Variants in ARSJ observed in about 807,000 individuals in gnomAD.
ARSJ encodes the protein arylsulfatase J.
ARSJ carries 26 observed loss-of-function variants against 35.9 expected under a neutral mutation model. The ratio of observed to expected loss-of-function variants is 0.72; its 90% CI spans 0.53 to 1.00. The LOEUF (loss-of-function observed/expected upper bound fraction) is 1.00. Ranked by LOEUF, ARSJ falls within the 50% of genes least tolerant of loss-of-function variation. The pLI is 0.00. For missense variants in ARSJ, 667 were observed against 723.6 expected, an observed-to-expected ratio of 0.92 and a Z score of 0.90; for synonymous variants, 294 against 267.6, an observed-to-expected ratio of 1.10 and a Z score of -0.96.
chr4:113,904,270 TAC>T (rs1457130683), intron 1 of ARSJ, among the ~76,000 whole-genome samples: 3 of 152,158 alleles, frequency 2.0e-5, no homozygotes, highest in African/African-American at 7.2e-5. Context: ...TTAATTTGAA[TAC>T]ACTTTAATCT....
intron 1 of ARSJ, among the ~76,000 whole-genome samples, chr4:113,976,347 C>T (rs1440410936): frequency 6.6e-6 from 1 of 152,036 alleles, no homozygotes; most frequent in Non-Finnish European, 1.5e-5. Flanking sequence ...ATCCACAAGG[C>T]ATAGACATGT....
chr4:113,970,018 C>T (rs566513227), intron 1 of ARSJ, among the ~76,000 whole-genome samples: 1 of 152,144 alleles, frequency 6.6e-6, no homozygotes, highest in East Asian at 1.9e-4. Context: ...TGAGATAAAT[C>T]ATTTCTGGCT....
intron 1 of ARSJ, among the ~76,000 whole-genome samples, chr4:113,907,393 G>A (rs1175988597): frequency 6.6e-6 from 1 of 152,056 alleles, no homozygotes; most frequent in Non-Finnish European, 1.5e-5. Context: ...AATAGCTTAG[G>A]AATGATTTAG....
intron 1 of ARSJ, among the ~76,000 whole-genome samples, chr4:113,907,210 T>C (rs921986343): frequency 6.6e-6 from 1 of 152,226 alleles, no homozygotes; most frequent in African/African-American, 2.4e-5. Flanking sequence ...AAAGGAAGGA[T>C]TTGTAAACCG....
At chr4:113,951,541 G>A (rs949262604) in intron 1 of ARSJ, among the ~76,000 whole-genome samples, 3 of 152,052 alleles carry the variant, frequency 2.0e-5, no homozygotes, top group Non-Finnish European at 2.9e-5. Context: ...TTGGCAGCAC[G>A]TCATACTGTT....
At chr4:113,904,112 A>G (rs1414520147) in intron 1 of ARSJ, among the ~76,000 whole-genome samples, 1 of 151,398 alleles carries the variant, frequency 6.6e-6, no homozygotes, top group African/African-American at 2.4e-5. Context: ...TATTTTTAGT[A>G]GAGACAGGGT....
At chr4:113,955,059 C>A (rs1387343658) in intron 1 of ARSJ, among the ~76,000 whole-genome samples, 1 of 149,088 alleles carries the variant, frequency 6.7e-6, no homozygotes, top group Non-Finnish European at 1.5e-5. Context: ...CAAGCCTATA[C>A]CAGATGGATG....
Position 113,979,368 on chromosome 4 carries a change from G to A in ARSJ, c.-534C>T, listed in dbSNP as rs1171604119. 1 of 153,382 alleles carries A rather than the reference G, an allele frequency of 6.5e-6. No individual in the cohort carries two copies. Among genetic ancestry groups the A allele is most frequent in the Non-Finnish European group, 1.5e-5 (1 of 68,944 alleles). The allele number at this position is 153,382 out of a possible 1,614,324, so 9.5% of individuals were successfully genotyped here. On this transcript the variant is annotated 5_prime_UTR_variant, in exon 1 of 2. Coordinates refer to ENST00000315366, the MANE Select transcript of ARSJ (RefSeq NM_024590.4). ...ATCAGACAGATAAACTGCCGTAGTGGACCGGCCTCCTGATCACCTTCTCCA... is the reference window on the plus strand; with the variant it reads ...ATCAGACAGATAAACTGCCGTAGTGAACCGGCCTCCTGATCACCTTCTCCA...
chr4:113,908,075 C>T (rs1345563129), intron 1 of ARSJ, among the ~76,000 whole-genome samples: 1 of 152,004 alleles, frequency 6.6e-6, no homozygotes, highest in East Asian at 1.9e-4. Flanking sequence ...GCACGTAAAC[C>T]CCTAGATCCT....
rs183880111 is a variant in ARSJ, at chr4:113,920,529, A to G, written c.399-16854T>C. ...AGGAGTCTGAAATTAGGGAGCTTCA[A>G]GGGGGTTTCAGTTCTAACATTCTCT... On this transcript the variant is annotated intron_variant, in intron 1 of 1. Coordinates refer to ENST00000315366, the MANE Select transcript of ARSJ (RefSeq NM_024590.4). 3.0e-3 allele frequency among the ~76,000 whole-genome samples: 458 copies of G among 152,292 alleles called. 3 individuals are homozygous for G. The highest frequency in any genetic ancestry group is 0.01 in the African/African-American group (424 of 41,578).
At chr4:113,928,371 T>C (rs1187956461) in intron 1 of ARSJ, among the ~76,000 whole-genome samples, 1 of 152,104 alleles carries the variant, frequency 6.6e-6, no homozygotes, top group Non-Finnish European at 1.5e-5. Context: ...GGGTTTGGGG[T>C]CTGTAAACTG....
At chr4:113,965,409 A>G (rs1726829706) in intron 1 of ARSJ, among the ~76,000 whole-genome samples, 1 of 152,128 alleles carries the variant, frequency 6.6e-6, no homozygotes, top group African/African-American at 2.4e-5. Flanking sequence ...AATGTCATTG[A>G]AAAATCCTAG....
chr4:113,978,977 A>G lies in ARSJ; in HGVS notation c.-143T>C. The stretch of plus-strand genomic sequence containing the variant: ...CCTCTCAGCTGTCACCATGTCCGAC[A>G]ACTTTAATCTTCCAGAAGTGATGGC... On this transcript the variant is annotated 5_prime_UTR_variant, in exon 1 of 2. Transcript: ENST00000315366. The G allele has an allele frequency of 1.2e-6, 1 of 844,968 alleles. No individual in the cohort carries two copies. The highest frequency in any genetic ancestry group is 1.8e-6 in the Non-Finnish European group (1 of 556,118). The allele number at this position is 844,968 out of a possible 1,614,324, so 52.3% of individuals were successfully genotyped here.
At chr4:113,932,285 C>A (rs1594438431) in intron 1 of ARSJ, among the ~76,000 whole-genome samples, 1 of 151,944 alleles carries the variant, frequency 6.6e-6, no homozygotes. Flanking sequence ...TTCAACACCC[C>A]ACTCTCAGTA....
chr4:113,947,293 C>A (rs1725549569), intron 1 of ARSJ, among the ~76,000 whole-genome samples: 1 of 151,906 alleles, frequency 6.6e-6, no homozygotes, highest in African/African-American at 2.4e-5. Context: ...TCAGCCTGGG[C>A]AACATGGCAA....
At chr4:113,914,206 T>A (rs1191961388) in intron 1 of ARSJ, among the ~76,000 whole-genome samples, 1 of 152,048 alleles carries the variant, frequency 6.6e-6, no homozygotes, top group Non-Finnish European at 1.5e-5. Flanking sequence ...ACTCCTGACC[T>A]CATAATCCAC....
intron 1 of ARSJ, among the ~76,000 whole-genome samples, chr4:113,977,986 G>A (rs1448229352): frequency 2.6e-5 from 4 of 152,118 alleles, no homozygotes; most frequent in South Asian, 2.1e-4. Flanking sequence ...TATCTGTTTC[G>A]TTGGTTCATT....
At chr4:113,937,839 G>A (rs1272883390) in intron 1 of ARSJ, among the ~76,000 whole-genome samples, 1 of 152,020 alleles carries the variant, frequency 6.6e-6, no homozygotes, top group African/African-American at 2.4e-5. Flanking sequence ...TAAGGGAAGG[G>A]AAGGACCTCT....
In ARSJ at chr4:113,902,239, T is replaced by G; in HGVS notation, c.*35A>C. 1.2e-6 allele frequency: 2 copies of G among 1,602,890 alleles called. No homozygotes were observed. The highest frequency in any genetic ancestry group is 1.7e-5 in the Admixed American group (1 of 60,016). On this transcript the variant is annotated 3_prime_UTR_variant, in exon 2 of 2. Transcript: ENST00000315366. The stretch of plus-strand genomic sequence containing the variant: ...TAGGAAACAGATGAAAGATAAGAAC[T>G]GATTAAAGTTTAACCAAACAGGAAA...
Sources: allele counts gnomAD v4.1 joint callset (sites outside exome capture counted in the v4.1 genomes callset), GRCh38; gene constraint gnomAD v4.1.1; transcripts MANE v1.5; gene names NCBI Gene and HGNC (gene_info 2026-07-23, HGNC 2026-07-21).